Variants in B4GALT6 observed in about 807,000 individuals in gnomAD.
The protein encoded by B4GALT6 is beta-1,4-galactosyltransferase 6.
B4GALT6 carries 14 observed loss-of-function variants against 46.3 expected under a neutral mutation model. The ratio of observed to expected loss-of-function variants is 0.30; its 90% CI spans 0.20 to 0.47. B4GALT6 has a LOEUF of 0.47. Among genes scored for constraint, B4GALT6 ranks in the 20% least tolerant of loss-of-function variants. B4GALT6 has a pLI of 0.99. For synonymous variants in B4GALT6, 168 were observed against 162.0 expected (o/e 1.04, Z -0.28); for missense variants, 386 against 480.1 (o/e 0.80, Z 1.83).
chr18:31,666,545 AAACT>A (rs2144686380), intron 1 of B4GALT6, among the ~76,000 whole-genome samples, 173 bp from the exon 2 acceptor site: 1 of 152,302 alleles, frequency 6.6e-6, no homozygotes, highest in South Asian at 2.1e-4. Flanking sequence ...TGACAAAAAC[AAACT>A]GATTTTTTAA....
intron 3 of B4GALT6, among the ~76,000 whole-genome samples, chr18:31,657,140 AT>A (rs1398710548): frequency 6.6e-6 from 1 of 152,152 alleles, no homozygotes; most frequent in Non-Finnish European, 1.5e-5. Flanking sequence ...ACCACTAGCC[AT>A]CAACCCTCAA....
At chr18:31,672,527 C>T (rs550563082) in intron 1 of B4GALT6, among the ~76,000 whole-genome samples, 1 of 152,288 alleles carries the variant, frequency 6.6e-6, no homozygotes, top group South Asian at 2.1e-4. Context: ...TCAGCTTGAA[C>T]ACAGTGAAAA....
chr18:31,687,731 T>C (rs2029975094), upstream of B4GALT6, among the ~76,000 whole-genome samples: 3 of 152,230 alleles, frequency 2.0e-5, no homozygotes, highest in South Asian at 6.2e-4. Flanking sequence ...TTCTGTCCAC[T>C]AGGGACACCG....
At chr18:31,628,944 C>T (rs1225953725) in intron 6 of B4GALT6, among the ~76,000 whole-genome samples, 1 of 152,166 alleles carries the variant, frequency 6.6e-6, no homozygotes, top group African/African-American at 2.4e-5. Flanking sequence ...TTTCCATCTT[C>T]AATTCTTTCA....
At chr18:31,678,897 G>A (rs1435186757) in intron 1 of B4GALT6, among the ~76,000 whole-genome samples, 1 of 152,232 alleles carries the variant, frequency 6.6e-6, no homozygotes, top group Admixed American at 6.5e-5. Context: ...AGGCCCAGAA[G>A]GACAAGTGCC....
intron 1 of B4GALT6, among the ~76,000 whole-genome samples, chr18:31,680,152 G>A (rs1180114284): frequency 6.6e-6 from 1 of 152,094 alleles, no homozygotes; most frequent in African/African-American, 2.4e-5. Context: ...TCCTGAAATG[G>A]GCCATGCAGA....
Position 31,625,644 on chromosome 18 carries a change from C to T in B4GALT6, c.1119G>A (p.Met373Ile). The T allele has an allele frequency of 1.2e-6, 2 of 1,613,222 alleles. No individual in the cohort carries two copies. The highest frequency in any genetic ancestry group is 1.7e-6 in the Non-Finnish European group (2 of 1,179,658). ...AGTCTTCGATTGGAGCTAACTCTGGCATGAGGTTTACAGATATGTTTGTAT... is the reference window on the plus strand; with the variant it reads ...AGTCTTCGATTGGAGCTAACTCTGGTATGAGGTTTACAGATATGTTTGTAT... Reference protein sequence around the residue: ...RLYTNISVNLMPELAPIEDY With the variant: ...RLYTNISVNLIPELAPIEDY The change falls in exon 9 of 9, where the codon ATG (methionine) becomes ATA (isoleucine). Residue 373 changes from methionine (M) to isoleucine (I), a missense_variant. Around this residue, in one of 2 missense-constraint regions of B4GALT6, gnomAD observed 323 missense variants for 438.9 expected, o/e 0.74. Coordinates refer to ENST00000306851, the MANE Select transcript of B4GALT6 (RefSeq NM_004775.5).
intron 1 of B4GALT6, among the ~76,000 whole-genome samples, chr18:31,676,741 T>C (rs1021994983): frequency 6.6e-6 from 1 of 152,192 alleles, no homozygotes; most frequent in Non-Finnish European, 1.5e-5. Context: ...CACTATTTTT[T>C]CCCCACCATT....
At chr18:31,630,557 C>T (rs1485471217) in intron 6 of B4GALT6, among the ~76,000 whole-genome samples, 1 of 152,090 alleles carries the variant, frequency 6.6e-6, no homozygotes, top group African/African-American at 2.4e-5. Context: ...TATGCACCTA[C>T]CACACAGCAG....
chr18:31,665,737 G>A (rs919144730), intron 2 of B4GALT6, among the ~76,000 whole-genome samples: 2 of 152,024 alleles, frequency 1.3e-5, no homozygotes, highest in African/African-American at 2.4e-5. Context: ...GCGAGACTCT[G>A]TCTAAAAAAA....
chr18:31,626,224 C>T (rs2073694726), intron 8 of B4GALT6, 59 bp downstream of exon 8: 2 of 1,008,114 alleles, frequency 2.0e-6, no homozygotes, highest in African/African-American at 3.3e-5. Flanking sequence ...TTTTTATTTA[C>T]CTTTCATTTA....
chr18:31,689,090 C>T (rs998394098), upstream of B4GALT6, among the ~76,000 whole-genome samples: 1 of 152,176 alleles, frequency 6.6e-6, no homozygotes, highest in Admixed American at 6.5e-5. Flanking sequence ...CTATCTAGTC[C>T]TTGCTTGTCA....
the B4GALT6 span, among the ~76,000 whole-genome samples, chr18:31,705,876 G>A: frequency 6.6e-5 from 10 of 152,118 alleles, no homozygotes; most frequent in Non-Finnish European, 1.0e-4. Context: ...CTTATTCAAC[G>A]TTTTTCTGAA....
intron 2 of B4GALT6, among the ~76,000 whole-genome samples, chr18:31,659,897 A>G (rs1227252861): frequency 6.6e-6 from 1 of 151,710 alleles, no homozygotes; most frequent in Non-Finnish European, 1.5e-5. Flanking sequence ...AGATTTAAAG[A>G]TACCAAGCAA....
chr18:31,637,682 A>G (rs1291093548), intron 5 of B4GALT6, among the ~76,000 whole-genome samples: 5 of 152,220 alleles, frequency 3.3e-5, no homozygotes, highest in Non-Finnish European at 7.3e-5. Flanking sequence ...GAAATCCTCA[A>G]TCGAGAATTA....
chr18:31,690,874 A>G, the B4GALT6 span, among the ~76,000 whole-genome samples: 1 of 152,196 alleles, frequency 6.6e-6, no homozygotes, highest in East Asian at 1.9e-4. Context: ...GGAAGCCATC[A>G]TTCTCAGCAA....
At chr18:31,648,115 A>G (rs2074015121) in intron 3 of B4GALT6, among the ~76,000 whole-genome samples, 1 of 152,202 alleles carries the variant, frequency 6.6e-6, no homozygotes, top group Non-Finnish European at 1.5e-5. Context: ...TTCAAGGGCA[A>G]CTGAAGAGAT....
In B4GALT6 at chr18:31,658,032, G is replaced by A. The variant is rs150412311; in HGVS notation, c.290C>T (p.Pro97Leu). Residue 97 changes from proline (P) to leucine (L), a missense_variant, in exon 3 of 9, where the codon CCG (proline) becomes CTG (leucine). Around this residue, in one of 2 missense-constraint regions of B4GALT6, gnomAD observed 323 missense variants for 438.9 expected, o/e 0.74. Transcript: ENST00000306851. Reference sequence around the variant, plus strand: ...GTATGGTGAGTATGTGAAGTTTTCCGGGAGATACGTTGTTGTTTGAACAAG... The same window carrying A: ...GTATGGTGAGTATGTGAAGTTTTCCAGGAGATACGTTGTTGTTTGAACAAG... Reference protein sequence around the residue: ...DYLVQTTTYLPENFTYSPYLP... With the variant: ...DYLVQTTTYLLENFTYSPYLP... The A allele has an allele frequency of 1.8e-4, 292 of 1,613,456 alleles. No homozygotes were observed. The highest frequency in any genetic ancestry group is 4.5e-4 in the Admixed American group (27 of 59,958).
chr18:31,716,678 A>C, the B4GALT6 span, among the ~76,000 whole-genome samples: 1 of 152,176 alleles, frequency 6.6e-6, no homozygotes, highest in African/African-American at 2.4e-5. Flanking sequence ...AAGTTGACCT[A>C]CCCTGGAACT....
Sources: allele counts gnomAD v4.1 joint callset (sites outside exome capture counted in the v4.1 genomes callset), GRCh38; gene constraint gnomAD v4.1.1; regional missense constraint gnomAD v4.1.1; transcripts MANE v1.5; gene names NCBI Gene and HGNC (gene_info 2026-07-23, HGNC 2026-07-21).